Variants in PLAAT5 observed in about 807,000 individuals in gnomAD.
The protein encoded by PLAAT5 is phospholipase A and acyltransferase 5.
Under a neutral mutation model 27.8 loss-of-function variants are expected in PLAAT5, and 27 were observed. That is an observed-to-expected ratio of 0.97 (90% CI 0.72 to 1.34). PLAAT5 has a LOEUF of 1.34. Among genes scored for constraint, PLAAT5 ranks in the 40% most tolerant of loss-of-function variants. PLAAT5 has a pLI of 0.00. For missense variants in PLAAT5, 368 were observed against 343.8 expected (o/e 1.07, Z -0.56); for synonymous variants, 125 against 136.1 (o/e 0.92, Z 0.57).
At chr11:63,478,344 G>A (rs1230817509) in intron 3 of PLAAT5, among the ~76,000 whole-genome samples, 1 of 150,536 alleles carries the variant, frequency 6.6e-6, no homozygotes, top group Non-Finnish European at 1.5e-5. Context: ...TTTTTTAGAC[G>A]GAGTCTTGCT....
At position 63,485,063 on chromosome 11, in the gene PLAAT5, CT is replaced by C. The variant is rs2016401486; in HGVS notation, c.345+3807del. ...AAACAGCTGTAAAAAAAAAAAAATA[CT>C]TAGGAATATACCTAACCAAAGACAT... On this transcript the variant is annotated intron_variant, in intron 3 of 5. Transcript: ENST00000540857. Among the ~76,000 whole-genome samples the C allele has an allele frequency of 2.0e-5, 3 of 151,654 alleles. No homozygotes were observed. The East Asian group carries it at 5.8e-4, about 29-fold the overall frequency.
At chr11:63,488,418 A>G (rs1174739569) in intron 3 of PLAAT5, among the ~76,000 whole-genome samples, 1 of 152,162 alleles carries the variant, frequency 6.6e-6, no homozygotes, top group African/African-American at 2.4e-5. Context: ...TATACACTTC[A>G]CTGGCATATA....
intron 3 of PLAAT5, among the ~76,000 whole-genome samples, chr11:63,483,824 T>TATAC (rs1555028273): frequency 7.3e-5 from 8 of 109,170 alleles, no homozygotes; most frequent in Admixed American, 6.6e-4. Context: ...TATATATATA[T>TATAC]ATATATATAT....
At chr11:63,482,160 A>C (rs1276977844) in intron 3 of PLAAT5, among the ~76,000 whole-genome samples, 1 of 152,246 alleles carries the variant, frequency 6.6e-6, no homozygotes, top group Non-Finnish European at 1.5e-5. Context: ...GTTCCTGAGG[A>C]AGAAGAGGAA....
chr11:63,469,145 T>TGTGTGTGTGTGTGTGA (rs377110717), intron 3 of PLAAT5, among the ~76,000 whole-genome samples: 5 of 122,716 alleles, frequency 4.1e-5, no homozygotes, highest in African/African-American at 1.5e-4. Context: ...TGTGTGTGTG[T>TGTGTGTGTGTGTGTGA]GAGAGAGAGA....
intron 3 of PLAAT5, among the ~76,000 whole-genome samples, chr11:63,478,484 G>A (rs2120288427): frequency 6.6e-6 from 1 of 152,278 alleles, no homozygotes; most frequent in South Asian, 2.1e-4. Flanking sequence ...ACCACGCCCT[G>A]CTGATTTTTT....
At position 63,462,434 on chromosome 11, in the gene PLAAT5, T is replaced by C. The variant is rs536403557; in HGVS notation, c.*1069A>G. ...GGAACAGGAGGCCATTGAGTTTAGA[T>C]TGCTAAGAAAAGGATGGAGGGTAAA... On this transcript the variant is annotated 3_prime_UTR_variant, in exon 6 of 6. Coordinates refer to ENST00000540857, the MANE Select transcript of PLAAT5 (RefSeq NM_001146729.2). 5.3e-5 allele frequency: 8 copies of C among 152,274 alleles called. No homozygotes were observed. In the East Asian group the frequency reaches 1.5e-3, roughly 29 times the overall value. 9.4% of individuals were successfully genotyped at this position (152,274 alleles called of 1,614,324 possible).
chr11:63,463,501 C>T lies in PLAAT5; in HGVS notation c.*2G>A, dbSNP rs778829263. On this transcript the variant is annotated 3_prime_UTR_variant, in exon 6 of 6. Transcript: ENST00000540857. ...TTCCTCTAGCTGGAGTTTTCATCACCTTCAGGCAGTTATTGGTTTGGGCTT... is the reference window on the plus strand; with the variant it reads ...TTCCTCTAGCTGGAGTTTTCATCACTTTCAGGCAGTTATTGGTTTGGGCTT... The T allele has an allele frequency of 1.2e-6, 2 of 1,611,072 alleles. No individual in the cohort carries two copies. Among genetic ancestry groups the T allele is most frequent in the South Asian group, 2.2e-5 (2 of 91,028 alleles).
At chr11:63,465,748 T>C (rs1289903003) in intron 5 of PLAAT5, among the ~76,000 whole-genome samples, 7 of 152,084 alleles carry the variant, frequency 4.6e-5, no homozygotes, top group Admixed American at 1.3e-4. Context: ...CATGATTATG[T>C]CATTACACTC....
Position 63,468,453 on chromosome 11 carries a change from G to T in PLAAT5, c.358C>A (p.Pro120Thr). 1 of 1,613,548 alleles carries T rather than the reference G, an allele frequency of 6.2e-7. No homozygotes were observed. The change falls in exon 4 of 6, where the codon CCC becomes ACC. Residue 120 changes from proline to threonine, a missense_variant. Physicochemically the swap from Pro to Thr is conservative, Grantham distance 38. Transcript: ENST00000540857. ...IKQAAEGKPR[P>T]RPGDLIEIFR... ...ATCTCAATCAGGTCTCCAGGTCTGGGTCTTGGTTTTCCCTATAATGGAAAA... is the reference window on the plus strand; with the variant it reads ...ATCTCAATCAGGTCTCCAGGTCTGGTTCTTGGTTTTCCCTATAATGGAAAA...
Position 63,466,101 on chromosome 11 carries a change from G to A in PLAAT5, c.717+9C>T. On this transcript the variant is annotated intron_variant, in intron 5 of 5. Transcript: ENST00000540857. Reference sequence around the variant, plus strand: ...GAAGAAGCCATCATCAGAGCAAATGGGGTCACACCTGCTGGCTCCGGGGTA... The same window carrying A: ...GAAGAAGCCATCATCAGAGCAAATGAGGTCACACCTGCTGGCTCCGGGGTA... 6.2e-7 allele frequency: 1 copy of A among 1,611,810 alleles called. No individual in the cohort carries two copies. Among genetic ancestry groups the A allele is most frequent in the Non-Finnish European group, 8.5e-7 (1 of 1,178,722 alleles).
chr11:63,464,577 A>T (rs2015805915), intron 5 of PLAAT5, among the ~76,000 whole-genome samples: 1 of 151,920 alleles, frequency 6.6e-6, no homozygotes, highest in Non-Finnish European at 1.5e-5. Context: ...AACCGCTTGA[A>T]CCTGGGAGGC....
In PLAAT5 at chr11:63,462,094, G is replaced by A. The variant is rs1048182080; in HGVS notation, c.*1409C>T. The A allele has an allele frequency of 1.3e-5, 2 of 152,158 alleles. No individual in the cohort carries two copies. Among genetic ancestry groups the A allele is most frequent in the Non-Finnish European group, 2.9e-5 (2 of 68,016 alleles). The allele number at this position is 152,158 out of a possible 1,614,324, so 9.4% of individuals were successfully genotyped here. On this transcript the variant is annotated 3_prime_UTR_variant, in exon 6 of 6. Transcript: ENST00000540857. ...TTGATGAAAGATTAATATGGTCAAT[G>A]AGCTCAAAGTCATCTTCAGATTAAA...
In PLAAT5 at chr11:63,490,893, G is replaced by A. The variant is rs1451443554; in HGVS notation, c.142C>T (p.His48Tyr). The A allele has an allele frequency of 7.5e-6, 12 of 1,604,506 alleles. No homozygotes were observed. Among genetic ancestry groups the A allele is most frequent in the Non-Finnish European group, 1.0e-5 (12 of 1,175,886 alleles). ...CCGCATTCTTGGGGCTGACCTGAGT[G>A]GGGCACAGCTGAACGTCTGAGCGCA... is the stretch of plus-strand genomic sequence containing the variant. ...PPALRRSAVP[H>Y]SEESVGFAAL... The change falls in exon 1 of 6, where the codon CAC becomes TAC. Residue 48 changes from histidine to tyrosine, a missense_variant. Physicochemically the swap from His to Tyr is moderately conservative, Grantham distance 83. Coordinates refer to ENST00000540857, the MANE Select transcript of PLAAT5 (RefSeq NM_001146729.2).
intron 4 of PLAAT5, 26 bp downstream of exon 4, chr11:63,468,331 T>C (rs751890580): frequency 6.7e-7 from 1 of 1,492,348 alleles, no homozygotes; most frequent in South Asian, 1.1e-5. Flanking sequence ...TCAATATCAG[T>C]ATTTCAATAG....
rs2015866335 is a variant in PLAAT5, at chr11:63,466,357, A to G, written c.470T>C (p.Val157Ala). Reference sequence around the variant, plus strand: ...GCTAAAGATGGAAGTAATGCTGCCCACCTCAAACTCCTCACCTGGAGACCA... The same window carrying G: ...GCTAAAGATGGAAGTAATGCTGCCCGCCTCAAACTCCTCACCTGGAGACCA... The part of the protein sequence containing the change: ...HLAPPSEEFE[V>A]GSITSIFSNR... The change falls in exon 5 of 6, where the codon GTG (valine) becomes GCG (alanine). Residue 157 changes from valine to alanine, a missense_variant. By Grantham distance (64) the Val-to-Ala change is moderately conservative. Coordinates refer to ENST00000540857, the MANE Select transcript of PLAAT5 (RefSeq NM_001146729.2). 1 of 1,614,062 alleles carries G rather than the reference A, an allele frequency of 6.2e-7. No individual in the cohort carries two copies. Among genetic ancestry groups the G allele is most frequent in the South Asian group, 1.1e-5 (1 of 91,058 alleles).
chr11:63,472,351 T>C (rs1370699112), intron 3 of PLAAT5, among the ~76,000 whole-genome samples: 1 of 152,222 alleles, frequency 6.6e-6, no homozygotes, highest in Non-Finnish European at 1.5e-5. Flanking sequence ...GATTCATGCT[T>C]GCTGCAGCAT....
intron 3 of PLAAT5, among the ~76,000 whole-genome samples, chr11:63,477,509 C>T (rs1273968342): frequency 1.3e-5 from 2 of 151,972 alleles, no homozygotes; most frequent in East Asian, 1.9e-4. Flanking sequence ...AGAGTCTCGC[C>T]GTGTCGCCCA....
In PLAAT5 at chr11:63,490,931, TTGGGCCCGG is replaced by T. The variant is rs751105476; in HGVS notation, c.95_103del (p.Thr32_Pro34del). 7.5e-6 allele frequency: 12 copies of T among 1,603,410 alleles called. No individual in the cohort carries two copies. Among genetic ancestry groups the T allele is most frequent in the South Asian group, 2.2e-5 (2 of 89,824 alleles). On this transcript the variant is annotated inframe_deletion, in exon 1 of 6. Transcript: ENST00000540857. Reference sequence around the variant, plus strand: ...ACGTCTGAGCGCAGGCGGCTGGTCCTTGGGCCCGGTACTGGCGGTTCGCGAGGCGGGTTT... The same window carrying T: ...ACGTCTGAGCGCAGGCGGCTGGTCCTTACTGGCGGTTCGCGAGGCGGGTTT...
Sources: allele counts gnomAD v4.1 joint callset (sites outside exome capture counted in the v4.1 genomes callset), GRCh38; gene constraint gnomAD v4.1.1; transcripts MANE v1.5; gene names NCBI Gene and HGNC (gene_info 2026-07-23, HGNC 2026-07-21).